Variants in ATXN7 observed in about 807,000 individuals in gnomAD.
The protein encoded by ATXN7 is ataxin-7.
In ATXN7, 12 loss-of-function variants were observed where a neutral mutation model predicts 70.5. The observed-to-expected ratio is 0.17, with a 90% confidence interval of 0.11 to 0.28. ATXN7 has a LOEUF of 0.28. ATXN7 is among the 10% of genes least tolerant of loss of function. The pLI is 1.00. For missense variants in ATXN7, 1,256 were observed against 1,131.7 expected (o/e 1.11, Z -1.58); for synonymous variants, 498 against 448.7 (o/e 1.11, Z -1.39).
intron 1 of ATXN7, among the ~76,000 whole-genome samples, chr3:63,886,269 A>G (rs769943108): frequency 6.6e-6 from 1 of 152,148 alleles, no homozygotes; most frequent in Non-Finnish European, 1.5e-5. Context: ...GGTGAGGGAA[A>G]TGGGGAGATG....
chr3:63,878,156 T>G (rs1050690563), intron 1 of ATXN7, among the ~76,000 whole-genome samples: 5 of 152,154 alleles, frequency 3.3e-5, no homozygotes, highest in Admixed American at 6.6e-5. Context: ...GGTCCTCAGG[T>G]CTGAAAAACT....
intron 4 of ATXN7, among the ~76,000 whole-genome samples, chr3:63,945,467 C>T (rs1224776039): frequency 6.6e-6 from 1 of 152,228 alleles, no homozygotes; most frequent in Admixed American, 6.5e-5. Context: ...TGAACTTGAA[C>T]TTCTCTGTCA....
chr3:63,954,833 C>T (rs9820538), intron 5 of ATXN7, among the ~76,000 whole-genome samples: 23,125 of 151,200 alleles, frequency 0.15, 2,039 homozygotes, highest in East Asian at 0.39. Flanking sequence ...CTCAGCCTCC[C>T]GAGTAGCTGG....
chr3:63,992,377 G>A (rs949339528), intron 11 of ATXN7, among the ~76,000 whole-genome samples: 2 of 152,098 alleles, frequency 1.3e-5, no homozygotes, highest in African/African-American at 4.8e-5. Context: ...CTGGGTTTGG[G>A]GGTTCTGCAG....
At chr3:63,942,752 G>A (rs1298830420) in intron 4 of ATXN7, among the ~76,000 whole-genome samples, 1 of 152,156 alleles carries the variant, frequency 6.6e-6, no homozygotes, top group Non-Finnish European at 1.5e-5. Context: ...TACATACATA[G>A]CACATGCTCC....
At chr3:63,952,968 T>C (rs1178838434) in intron 5 of ATXN7, among the ~76,000 whole-genome samples, 3 of 151,288 alleles carry the variant, frequency 2.0e-5, no homozygotes, top group Non-Finnish European at 2.9e-5. Context: ...TCATAATGCC[T>C]TTAAAGTGTT....
Position 63,912,726 on chromosome 3 carries a change from C to CA in ATXN7, c.128_129insA (p.Gln44AlafsTer45). The CA allele has an allele frequency of 8.0e-7, 1 of 1,246,832 alleles. No homozygotes were observed. Among genetic ancestry groups the CA allele is most frequent in the Non-Finnish European group, 1.0e-6 (1 of 986,290 alleles). The allele number at this position is 1,246,832 out of a possible 1,614,324, so 77.2% of individuals were successfully genotyped here. A position where few individuals can be genotyped will look rare whatever the true frequency, so the allele number is the denominator to read the frequency against. On this transcript the variant is annotated frameshift_variant, in exon 3 of 13. Transcript: ENST00000674280. LOFTEE classifies it high-confidence loss of function. ...CAGCAGCAGCAGCAGCCGCCGCCTCCGCAGCCCCAGCGGCAGCAGCACCCG... is the reference window on the plus strand; with the variant it reads ...CAGCAGCAGCAGCAGCCGCCGCCTCCAGCAGCCCCAGCGGCAGCAGCACCCG...
chr3:63,949,376 T>C (rs1265741694), intron 4 of ATXN7, among the ~76,000 whole-genome samples: 1 of 152,234 alleles, frequency 6.6e-6, no homozygotes, highest in Non-Finnish European at 1.5e-5. Flanking sequence ...AAAGTTGCTT[T>C]ACGTTTTCAT....
intron 5 of ATXN7, among the ~76,000 whole-genome samples, chr3:63,952,835 C>CTTTTTTTTTTTTTTTT (rs59256288): frequency 6.1e-5 from 3 of 49,164 alleles, no homozygotes; most frequent in African/African-American, 2.0e-4. Context: ...ATGCATGGGC[C>CTTTTTTTTTTTTTTTT]TTTTTTTTTT....
intron 1 of ATXN7, among the ~76,000 whole-genome samples, chr3:63,878,966 A>G (rs953947276): frequency 4.6e-5 from 7 of 152,210 alleles, no homozygotes; most frequent in Non-Finnish European, 5.9e-5. Flanking sequence ...AGGTGAATCT[A>G]TGATGCTGCC....
chr3:63,912,763 A>G lies in ATXN7; in HGVS notation c.165A>G (p.Pro55=). Reference sequence around the variant, plus strand: ...GGCAGCAGCACCCGCCACCGCCGCCACGGCGCACACGGCCGGAGGACGGCG... The same window carrying G: ...GGCAGCAGCACCCGCCACCGCCGCCGCGGCGCACACGGCCGGAGGACGGCG... ...PQRQQHPPPP[P]RRTRPEDGGP... Residue 55 remains proline (P), a synonymous_variant, in exon 3 of 13, where the codon CCA becomes CCG. Coordinates refer to ENST00000674280, the MANE Select transcript of ATXN7 (RefSeq NM_001377405.1). 7.4e-7 allele frequency: 1 copy of G among 1,352,322 alleles called. No individual in the cohort carries two copies. The highest frequency in any genetic ancestry group is 9.5e-7 in the Non-Finnish European group (1 of 1,052,016). The allele number at this position is 1,352,322 out of a possible 1,614,324, so 83.8% of individuals were successfully genotyped here. A position where few individuals can be genotyped will look rare whatever the true frequency, so the allele number is the denominator to read the frequency against.
intron 4 of ATXN7, among the ~76,000 whole-genome samples, chr3:63,946,893 C>A (rs1668948226): frequency 6.6e-6 from 1 of 151,972 alleles, no homozygotes; most frequent in Non-Finnish European, 1.5e-5. Flanking sequence ...GAGGAGGCTA[C>A]GTAAGAGGAA....
intron 1 of ATXN7, among the ~76,000 whole-genome samples, chr3:63,893,717 A>G (rs746389820): frequency 5.9e-5 from 9 of 152,156 alleles, no homozygotes; most frequent in African/African-American, 1.4e-4. Flanking sequence ...CTCCCTCTCC[A>G]CTTGTGTGTT....
chr3:63,863,391 C>T, upstream of ATXN7: 1 of 1,019,210 alleles, frequency 9.8e-7, no homozygotes, highest in Non-Finnish European at 1.2e-6. Context: ...GGGTCCTCAC[C>T]GCGCCCCTAG....
At chr3:63,998,140 ACT>A in intron 12 of ATXN7, 2 of 978,742 alleles carry the variant, frequency 2.0e-6, no homozygotes, top group Non-Finnish European at 2.4e-6. Context: ...TAGTGAGCAC[ACT>A]GTCTTCATTT....
At chr3:63,936,632 G>A (rs1027847547) in intron 4 of ATXN7, among the ~76,000 whole-genome samples, 1 of 152,160 alleles carries the variant, frequency 6.6e-6, no homozygotes, top group African/African-American at 2.4e-5. Context: ...TTTGTGATTT[G>A]AGGTGGGGCA....
chr3:63,993,708 C>A (rs1422795364), intron 11 of ATXN7, among the ~76,000 whole-genome samples: 2 of 152,070 alleles, frequency 1.3e-5, no homozygotes, highest in African/African-American at 4.8e-5. Flanking sequence ...CGGAGAGATC[C>A]ACATCCTTCC....
At chr3:63,893,950 A>T (rs891046483) in intron 1 of ATXN7, among the ~76,000 whole-genome samples, 10 of 152,216 alleles carry the variant, frequency 6.6e-5, no homozygotes, top group Admixed American at 2.6e-4. Flanking sequence ...ACTAGATGCC[A>T]TATTAATTTG....
Position 63,907,456 on chromosome 3 carries a change from C to CTT in ATXN7, c.-11-5112_-11-5111dup, listed in dbSNP as rs946462374. Among the ~76,000 whole-genome samples, 608 of 116,616 alleles carry CTT rather than the reference C, an allele frequency of 5.2e-3. 12 individuals are homozygous for CTT. Among genetic ancestry groups the CTT allele is most frequent in the African/African-American group, 0.015 (468 of 30,534 alleles). 76.5% of individuals were successfully genotyped at this position (116,616 alleles called of 152,430 possible). A position where few individuals can be genotyped will look rare whatever the true frequency, so the allele number is the denominator to read the frequency against. ...TTGGTCCAACTTTTCCATTCCTTGT[C>CTT]TTTTTTTTTTTTTTTTTTTTTGTAA... On this transcript the variant is annotated intron_variant, in intron 2 of 12. Coordinates refer to ENST00000674280, the MANE Select transcript of ATXN7 (RefSeq NM_001377405.1).
Sources: allele counts gnomAD v4.1 joint callset (sites outside exome capture counted in the v4.1 genomes callset), GRCh38; gene constraint gnomAD v4.1.1; transcripts MANE v1.5; gene names NCBI Gene and HGNC (gene_info 2026-07-23, HGNC 2026-07-21).